DKK2: variants seen among roughly 807,000 people sequenced by gnomAD.
DKK2 encodes the protein dickkopf-related protein 2.
A neutral mutation model predicts 28.1 loss-of-function variants in DKK2; 11 were observed. The observed-to-expected ratio is 0.39, with a 90% CI of 0.25 to 0.65. The LOEUF (loss-of-function observed/expected upper bound fraction) is 0.65. Ranked by LOEUF, DKK2 falls within the 30% of genes least tolerant of loss-of-function variation. The probability of loss-of-function intolerance (pLI) is 0.47; values close to 1 mark genes in which losing one functional copy is unlikely to be tolerated. For synonymous variants in DKK2, 135 were observed against 126.5 expected (o/e 1.07, Z -0.45); for missense variants, 326 against 335.5 (o/e 0.97, Z 0.22).
Position 106,956,911 on chromosome 4 carries a change from T to C in DKK2, c.223-30962A>G, listed in dbSNP as rs1398708711. Among the ~76,000 whole-genome samples the C allele has an allele frequency of 5.3e-5, 8 of 150,700 alleles. No homozygotes were observed. The East Asian group carries it at 1.6e-3, about 29-fold the overall frequency. On this transcript the variant is annotated intron_variant, in intron 1 of 3. Coordinates refer to ENST00000285311, the MANE Select transcript of DKK2 (RefSeq NM_014421.3). ...GCCAAAATTGACAAATGGGATCTAA[T>C]TAAACTAAAGAGCTTCTGCACAGCA...
intron 1 of DKK2, among the ~76,000 whole-genome samples, chr4:107,021,298 T>C (rs1723687753): frequency 6.6e-6 from 1 of 152,050 alleles, no homozygotes; most frequent in South Asian, 2.1e-4. Flanking sequence ...AATCAATATG[T>C]ATGATGTTTT....
At chr4:106,979,768 C>G (rs73837507) in intron 1 of DKK2, among the ~76,000 whole-genome samples, 1 of 152,186 alleles carries the variant, frequency 6.6e-6, no homozygotes, top group Non-Finnish European at 1.5e-5. Flanking sequence ...GCCTTACTAC[C>G]GACTTACTCA....
intron 1 of DKK2, among the ~76,000 whole-genome samples, chr4:106,993,500 C>T (rs928476641): frequency 6.6e-6 from 1 of 152,010 alleles, no homozygotes; most frequent in Non-Finnish European, 1.5e-5. Flanking sequence ...TTAGTAAATA[C>T]GTTGGCTACT....
intron 1 of DKK2, among the ~76,000 whole-genome samples, chr4:107,009,705 A>AT (rs984413718): frequency 3.3e-5 from 5 of 151,728 alleles, no homozygotes; most frequent in African/African-American, 1.2e-4. Flanking sequence ...GGACAGCAAT[A>AT]TTTTTCAAGT....
In DKK2 at chr4:107,034,782, G is replaced by A. The variant is rs140665448; in HGVS notation, c.222+588C>T. On this transcript the variant is annotated intron_variant, in intron 1 of 3. Coordinates refer to ENST00000285311, the MANE Select transcript of DKK2 (RefSeq NM_014421.3). ...GAAGGAGACCCTGAAAAGGAGTAAT[G>A]TCCCCTCCAGATTGTAAAATATAAT... Among the ~76,000 whole-genome samples the A allele has an allele frequency of 5.6e-3, 855 of 152,228 alleles. 6 individuals carry two copies. Among genetic ancestry groups the A allele is most frequent in the Non-Finnish European group, 7.0e-3 (478 of 68,028 alleles).
intron 1 of DKK2, among the ~76,000 whole-genome samples, chr4:107,003,862 C>A (rs376011826): frequency 6.6e-6 from 1 of 152,156 alleles, no homozygotes; most frequent in South Asian, 2.1e-4. Flanking sequence ...GTAATTTATA[C>A]GCACTTTTGA....
intron 1 of DKK2, among the ~76,000 whole-genome samples, chr4:106,969,568 C>A (rs1379744156): frequency 6.6e-6 from 1 of 151,956 alleles, no homozygotes. Flanking sequence ...GAGTGATATT[C>A]TTTTCCCCTG....
chr4:107,028,415 C>T (rs1483487285), intron 1 of DKK2, among the ~76,000 whole-genome samples: 1 of 152,142 alleles, frequency 6.6e-6, no homozygotes, highest in Non-Finnish European at 1.5e-5. Flanking sequence ...ATGATGTCAT[C>T]AGCAAAATAA....
rs1013992088 is a variant in DKK2, at chr4:106,923,800, A to G, written c.*154T>C. On this transcript the variant is annotated 3_prime_UTR_variant, in exon 4 of 4. Coordinates refer to ENST00000285311, the MANE Select transcript of DKK2 (RefSeq NM_014421.3). Reference sequence around the variant, plus strand: ...TCACCCATTCTAATCTATTCAGTTCATGTTTTCTTTCTCCCTTTTTGTGAT... The same window carrying G: ...TCACCCATTCTAATCTATTCAGTTCGTGTTTTCTTTCTCCCTTTTTGTGAT... 2 of 1,044,170 alleles carry G rather than the reference A, an allele frequency of 1.9e-6. No individual in the cohort carries two copies. The highest frequency in any genetic ancestry group is 3.2e-5 in the African/African-American group (2 of 62,008). The allele number at this position is 1,044,170 out of a possible 1,614,324, so 64.7% of individuals were successfully genotyped here.
Position 107,035,618 on chromosome 4 carries a change from A to C in DKK2, c.-27T>G. The C allele has an allele frequency of 1.9e-6, 3 of 1,611,624 alleles. No individual in the cohort carries two copies. The highest frequency in any genetic ancestry group is 2.2e-5 in the South Asian group (2 of 91,022). On this transcript the variant is annotated 5_prime_UTR_variant, in exon 1 of 4. Coordinates refer to ENST00000285311, the MANE Select transcript of DKK2 (RefSeq NM_014421.3). ...TCCCGGCGAGGGGGTCCCCAGGAAG[A>C]CGCAAAGCCCGGAGGGGTGGGAATG...
At chr4:107,034,391 G>C (rs1347850741) in intron 1 of DKK2, among the ~76,000 whole-genome samples, 1 of 152,192 alleles carries the variant, frequency 6.6e-6, no homozygotes, top group African/African-American at 2.4e-5. Flanking sequence ...GAGCGGAAGG[G>C]GGAGCTGTCA....
intron 1 of DKK2, among the ~76,000 whole-genome samples, chr4:106,930,494 T>A (rs1337024803): frequency 6.6e-6 from 1 of 152,196 alleles, no homozygotes. Context: ...AATAAACCTT[T>A]GACTACAATT....
At chr4:106,998,887 C>T (rs375652753) in intron 1 of DKK2, among the ~76,000 whole-genome samples, 24 of 152,198 alleles carry the variant, frequency 1.6e-4, no homozygotes, top group African/African-American at 5.1e-4. Flanking sequence ...TGTGATTTTA[C>T]ATCTGATAAA....
At chr4:106,976,974 A>T (rs1040960197) in intron 1 of DKK2, among the ~76,000 whole-genome samples, 2 of 151,910 alleles carry the variant, frequency 1.3e-5, no homozygotes, top group African/African-American at 4.8e-5. Context: ...GTCTGTAAGG[A>T]TTTTATTTCT....
intron 1 of DKK2, among the ~76,000 whole-genome samples, chr4:106,947,785 C>T (rs1312417321): frequency 6.6e-6 from 1 of 151,616 alleles, no homozygotes; most frequent in Non-Finnish European, 1.5e-5. Context: ...AGCAATCCTC[C>T]CCTCTCAGTC....
intron 1 of DKK2, among the ~76,000 whole-genome samples, chr4:106,963,432 AG>A (rs548279937): frequency 1.2e-4 from 19 of 152,242 alleles, no homozygotes; most frequent in Non-Finnish European, 2.8e-4. Flanking sequence ...ATATGAAAAA[AG>A]CTCAACATTA....
intron 1 of DKK2, among the ~76,000 whole-genome samples, chr4:106,980,241 T>C (rs1205886343): frequency 6.6e-6 from 1 of 152,098 alleles, no homozygotes; most frequent in African/African-American, 2.4e-5. Context: ...TATATGGTTA[T>C]ATATCTTTAC....
chr4:106,973,166 T>C (rs2110354961), intron 1 of DKK2, among the ~76,000 whole-genome samples: 1 of 152,340 alleles, frequency 6.6e-6, no homozygotes, highest in African/African-American at 2.4e-5. Context: ...TGGTTCCAAG[T>C]CTCTGCCATT....
intron 1 of DKK2, among the ~76,000 whole-genome samples, chr4:106,946,558 C>G (rs1724779332): frequency 6.6e-6 from 1 of 152,056 alleles, no homozygotes; most frequent in Non-Finnish European, 1.5e-5. Context: ...GCAACATAGA[C>G]AGAACTCCCA....
Sources: allele counts gnomAD v4.1 joint callset (sites outside exome capture counted in the v4.1 genomes callset), GRCh38; gene constraint gnomAD v4.1.1; transcripts MANE v1.5; gene names NCBI Gene and HGNC (gene_info 2026-07-23, HGNC 2026-07-21).